ZFHX3: variants seen among roughly 807,000 people sequenced by gnomAD.
The protein encoded by ZFHX3 is zinc finger homeobox protein 3.
ZFHX3 carries 42 observed loss-of-function variants against 279.1 expected under a neutral mutation model. That is an observed-to-expected ratio of 0.15 (90% confidence interval 0.12 to 0.19). The LOEUF is 0.19. Among genes scored for constraint, ZFHX3 ranks in the 10% least tolerant of loss-of-function variants. The pLI, the probability that ZFHX3 is intolerant of heterozygous loss-of-function variation, is 1.00. For synonymous variants in ZFHX3, 2,293 were observed against 1,957.8 expected, an observed-to-expected ratio of 1.17 and a Z score of -4.52; for missense variants, 4,981 against 4,754.0, an observed-to-expected ratio of 1.05 and a Z score of -1.40.
At chr16:73,097,673 C>T (rs974875058) in intron 7 of ZFHX3, among the ~76,000 whole-genome samples, 8 of 152,152 alleles carry the variant, frequency 5.3e-5, no homozygotes, top group Admixed American at 3.3e-4. Flanking sequence ...CAACATTTCT[C>T]GTCACTCTAA....
At chr16:73,262,333 A>G (rs1346867587) in intron 4 of ZFHX3, among the ~76,000 whole-genome samples, 1 of 152,232 alleles carries the variant, frequency 6.6e-6, no homozygotes, top group Non-Finnish European at 1.5e-5. Flanking sequence ...TTGTGATCCC[A>G]TACTTCACAT....
intron 4 of ZFHX3, among the ~76,000 whole-genome samples, chr16:72,876,979 G>C (rs1483103665): frequency 6.6e-6 from 1 of 152,160 alleles, no homozygotes; most frequent in Admixed American, 6.5e-5. Flanking sequence ...TATTGAAAAA[G>C]AATCACTATT....
At chr16:73,750,130 T>C (rs893318821) in intron 1 of ZFHX3, among the ~76,000 whole-genome samples, 10 of 152,026 alleles carry the variant, frequency 6.6e-5, no homozygotes, top group Admixed American at 1.3e-4. Context: ...AGGAACTCAA[T>C]AGGGAGAAAG....
intron 2 of ZFHX3, among the ~76,000 whole-genome samples, chr16:73,614,202 T>C (rs141006068): frequency 1.3e-5 from 2 of 152,326 alleles, no homozygotes; most frequent in African/African-American, 4.8e-5. Flanking sequence ...ACGTATGTGA[T>C]GTGTACGGGG....
In ZFHX3 at chr16:72,787,539, G is replaced by C. The variant is rs1044384173; in HGVS notation, c.10737C>G (p.Pro3579=). The change falls in exon 10 of 10, where the codon CCC becomes CCG. Residue 3579 remains proline, a synonymous_variant. Transcript: ENST00000268489. ...PSLLPHSACF[P]DPSTASTSQS... ...GCGAGGTAGATGCGGTGCTAGGATC[G>C]GGGAAGCAGGCAGAGTGAGGTAATA... 3.1e-6 allele frequency: 5 copies of C among 1,614,016 alleles called. No individual in the cohort carries two copies. The South Asian group carries it at 3.3e-5, about 11-fold the overall frequency.
chr16:73,269,260 C>A lies in ZFHX3; in HGVS notation c.-1193-12124G>T, dbSNP rs2014075151. ...ATGTCAACAGGCACATCACCACCAC[C>A]ACCACCAGGGAGCCATTGGATGGTT... On this transcript the variant is annotated intron_variant, in intron 4 of 17. Transcript: ENST00000641206. Among the ~76,000 whole-genome samples the A allele has an allele frequency of 2.0e-5, 3 of 152,202 alleles. No homozygotes were observed. The South Asian group carries it at 6.2e-4, about 31-fold the overall frequency.
intron 2 of ZFHX3, among the ~76,000 whole-genome samples, chr16:73,611,838 C>T (rs1356903404): frequency 6.6e-6 from 1 of 152,164 alleles, no homozygotes; most frequent in Non-Finnish European, 1.5e-5. Context: ...AAAATATGAT[C>T]CTAAAAATGT....
chr16:73,818,106 G>A (rs1320767169), intron 1 of ZFHX3, among the ~76,000 whole-genome samples: 2 of 152,216 alleles, frequency 1.3e-5, no homozygotes. Flanking sequence ...AACGGGTCAG[G>A]CTTGAAATGC....
rs755247573 is a variant in ZFHX3 at position 72,798,682 on chromosome 16, G to A, written c.4000C>T (p.Pro1334Ser). ...CCGCTTTGCTCTGTGCTTGCGGATG[G>A]CAAGATGTTCTTTCCCAGATCCTCT... ...TSEDLGKNILPSASTEQSGDL... is the reference protein window; with the variant it reads ...TSEDLGKNILSSASTEQSGDL... The change falls in exon 9 of 10, where the codon CCA (proline) becomes TCA (serine). Residue 1334 changes from proline to serine, a missense_variant. Around this residue, in one of 7 missense-constraint regions of ZFHX3, gnomAD observed 1,751 missense variants for 1,770.0 expected, o/e 0.99. Transcript: ENST00000268489. The A allele has an allele frequency of 6.4e-7, 1 of 1,572,892 alleles. No individual in the cohort carries two copies.
chr16:73,799,907 G>A (rs950681186), intron 1 of ZFHX3, among the ~76,000 whole-genome samples: 14 of 151,776 alleles, frequency 9.2e-5, no homozygotes, highest in African/African-American at 2.9e-4. Flanking sequence ...TAACAACAAC[G>A]ACTTAAGGCC....
rs1490492880 is a variant in ZFHX3, at chr16:72,950,810, C to T, written c.2875G>A (p.Asp959Asn). 1 of 1,614,190 alleles carries T rather than the reference C, an allele frequency of 6.2e-7. No individual in the cohort carries two copies. Residue 959 changes from aspartate to asparagine, a missense_variant, in exon 3 of 10, where the codon GAC (aspartate) becomes AAC (asparagine). This residue lies in a region of ZFHX3 where 1,751 missense variants were observed against 1,770.0 expected (regional missense o/e 0.99). Transcript: ENST00000268489. ...VCNKFTTDNL[D>N]MLGLHMNVER... ...ACGTTCATGTGCAGGCCCAGCATGT[C>T]CAGGTTGTCCGTCGTGAACTTGTTG...
chr16:73,041,709 A>G (rs887633386), intron 1 of ZFHX3, among the ~76,000 whole-genome samples: 3 of 152,200 alleles, frequency 2.0e-5, no homozygotes, highest in African/African-American at 4.8e-5. Flanking sequence ...AGCCTCTTCT[A>G]AAGTGTCCAA....
intron 1 of ZFHX3, among the ~76,000 whole-genome samples, chr16:73,697,217 C>CTT (rs78469043): frequency 6.0e-5 from 8 of 133,852 alleles, no homozygotes; most frequent in Admixed American, 1.5e-4. Flanking sequence ...ATTCTAACCT[C>CTT]TTTTTTTTTT....
chr16:73,355,974 C>A (rs1395300560), intron 3 of ZFHX3, among the ~76,000 whole-genome samples: 2 of 152,162 alleles, frequency 1.3e-5, no homozygotes, highest in Non-Finnish European at 2.9e-5. Context: ...TTTTTCCTCC[C>A]CCACATTCAC....
chr16:73,336,075 G>A (rs938183831), intron 3 of ZFHX3, among the ~76,000 whole-genome samples: 2 of 152,166 alleles, frequency 1.3e-5, no homozygotes, highest in African/African-American at 4.8e-5. Flanking sequence ...CCACACCCAG[G>A]CTCCCATTCG....
intron 5 of ZFHX3, among the ~76,000 whole-genome samples, chr16:73,245,913 G>C (rs1171964335): frequency 6.6e-6 from 1 of 152,164 alleles, no homozygotes; most frequent in Non-Finnish European, 1.5e-5. Context: ...AACCTTAAGA[G>C]GGTTGAGTCC....
intron 2 of ZFHX3, among the ~76,000 whole-genome samples, chr16:73,457,642 G>C (rs967615177): frequency 1.3e-5 from 2 of 152,168 alleles, no homozygotes; most frequent in Non-Finnish European, 2.9e-5. Flanking sequence ...GCGTAGTGGC[G>C]CATGCCTGTA....
At chr16:73,111,109 T>A (rs1567391354) in intron 7 of ZFHX3, among the ~76,000 whole-genome samples, 1 of 151,918 alleles carries the variant, frequency 6.6e-6, no homozygotes, top group Non-Finnish European at 1.5e-5. Context: ...CCCGGCTAAT[T>A]TTTGTATTTT....
At chr16:73,768,130 C>T (rs1052849131) in intron 1 of ZFHX3, among the ~76,000 whole-genome samples, 1 of 152,162 alleles carries the variant, frequency 6.6e-6, no homozygotes, top group South Asian at 2.1e-4. Flanking sequence ...AACACCCCAA[C>T]CTTTCCCTCC....
Sources: allele counts gnomAD v4.1 joint callset (sites outside exome capture counted in the v4.1 genomes callset), GRCh38; gene constraint gnomAD v4.1.1; regional missense constraint gnomAD v4.1.1; transcripts MANE v1.5; gene names NCBI Gene and HGNC (gene_info 2026-07-23, HGNC 2026-07-21).